Variants in ZFPM1 observed in about 807,000 individuals in gnomAD.
ZFPM1 encodes zinc finger protein ZFPM1.
A neutral mutation model predicts 46.3 loss-of-function variants in ZFPM1; 28 were observed. The ratio of observed to expected loss-of-function variants is 0.60; its 90% confidence interval spans 0.45 to 0.83. The LOEUF (loss-of-function observed/expected upper bound fraction) is 0.83, where lower values mean the gene tolerates loss of function less well. Ranked by LOEUF, ZFPM1 falls within the 40% of genes least tolerant of loss-of-function variation. The pLI is 0.00. For missense variants in ZFPM1, 1,878 were observed against 1,432.4 expected (o/e 1.31, Z -5.02); for synonymous variants, 957 against 675.9 (o/e 1.42, Z -6.45).
Position 88,485,250 on chromosome 16 carries a change from G to T in ZFPM1, c.41-689G>T, listed in dbSNP as rs182910395. Among the ~76,000 whole-genome samples, 614 of 152,288 alleles carry T rather than the reference G, an allele frequency of 4.0e-3. 2 individuals are homozygous for T. The highest frequency in any genetic ancestry group is 5.2e-3 in the Non-Finnish European group (355 of 68,012). On this transcript the variant is annotated intron_variant, in intron 1 of 9. Transcript: ENST00000319555. ...CAGCTCCAGGGCTGCCAGAGCAGGT[G>T]GGGGCCTGTCCCCTGGTGCTGGGGG...
chr16:88,478,102 T>C (rs373257943), intron 1 of ZFPM1, among the ~76,000 whole-genome samples: 41 of 151,928 alleles, frequency 2.7e-4, no homozygotes, highest in Non-Finnish European at 5.6e-4. Context: ...ATGTCTCCCC[T>C]GCCCCAGGCC....
intron 3 of ZFPM1, among the ~76,000 whole-genome samples, chr16:88,505,677 G>A (rs1350344550): frequency 6.6e-6 from 1 of 152,176 alleles, no homozygotes; most frequent in African/African-American, 2.4e-5. Flanking sequence ...AGCACCCCCT[G>A]CCGTCAGCTC....
intron 3 of ZFPM1, 199 bp downstream of exon 3, chr16:88,489,352 C>T: frequency 1.2e-6 from 1 of 826,446 alleles, no homozygotes; most frequent in Non-Finnish European, 1.8e-6. Context: ...TCGCGCCAAT[C>T]CCGGGCCTCA....
intron 1 of ZFPM1, among the ~76,000 whole-genome samples, chr16:88,461,487 G>T (rs546613612): frequency 2.0e-5 from 3 of 152,292 alleles, no homozygotes; most frequent in Admixed American, 2.0e-4. Context: ...GTGACCCTTT[G>T]GCCAGTGGCT....
chr16:88,531,286 G>A (rs1912765209), intron 6 of ZFPM1, among the ~76,000 whole-genome samples: 1 of 152,150 alleles, frequency 6.6e-6, no homozygotes, highest in Non-Finnish European at 1.5e-5. Flanking sequence ...AAGACAAACC[G>A]AGAACACGCT....
At chr16:88,505,019 A>G (rs574614693) in intron 3 of ZFPM1, among the ~76,000 whole-genome samples, 29 of 152,354 alleles carry the variant, frequency 1.9e-4, no homozygotes, top group African/African-American at 7.0e-4. Flanking sequence ...GTTCAGCCCG[A>G]TAAAGATGGG....
At chr16:88,501,071 C>T (rs1469713366) in intron 3 of ZFPM1, among the ~76,000 whole-genome samples, 1 of 148,074 alleles carries the variant, frequency 6.8e-6, no homozygotes, top group East Asian at 2.0e-4. Flanking sequence ...AGGTAGCGGT[C>T]ATGGATGCGG....
chr16:88,522,591 T>C (rs912637446), intron 4 of ZFPM1, among the ~76,000 whole-genome samples: 2 of 152,194 alleles, frequency 1.3e-5, no homozygotes, highest in African/African-American at 2.4e-5. Context: ...GCTGCACAGA[T>C]AGGGTTTCCG....
Position 88,533,625 on chromosome 16 carries a change from A to AGGGCGCGGGCGC in ZFPM1, c.1674_1685dup (p.Ala560_Gly563dup). 1 of 1,467,814 alleles carries AGGGCGCGGGCGC rather than the reference A, an allele frequency of 6.8e-7. No individual in the cohort carries two copies. Among genetic ancestry groups the AGGGCGCGGGCGC allele is most frequent in the Non-Finnish European group, 9.0e-7 (1 of 1,108,932 alleles). 90.9% of individuals were successfully genotyped at this position (1,467,814 alleles called of 1,614,324 possible). On this transcript the variant is annotated inframe_insertion, in exon 10 of 10. Coordinates refer to ENST00000319555, the MANE Select transcript of ZFPM1 (RefSeq NM_153813.3). ...GAGCTGGTGCACAGCCGGCTGCAGC[A>AGGGCGCGGGCGC]GGGCGCGGGCGCGGGCGCCGGCGGC...
At chr16:88,531,606 T>TAC (rs550035678) in intron 6 of ZFPM1, among the ~76,000 whole-genome samples, 263 of 152,308 alleles carry the variant, frequency 1.7e-3, no homozygotes, top group Non-Finnish European at 1.6e-3. Context: ...CGCACATCTG[T>TAC]ACACACACGT....
rs753742076 is a variant in ZFPM1, at chr16:88,534,536, C to T, written c.2578C>T (p.Pro860Ser). The T allele has an allele frequency of 7.2e-7, 1 of 1,394,746 alleles. No individual in the cohort carries two copies. The highest frequency in any genetic ancestry group is 9.3e-7 in the Non-Finnish European group (1 of 1,077,084). 86.4% of individuals were successfully genotyped at this position (1,394,746 alleles called of 1,614,324 possible). A position where few individuals can be genotyped will look rare whatever the true frequency, so the allele number is the denominator to read the frequency against. Residue 860 changes from proline (P) to serine (S), a missense_variant, in exon 10 of 10, where the codon CCC (proline) becomes TCC (serine). Physicochemically the swap from Pro to Ser is moderately conservative, Grantham distance 74 (BLOSUM62 -1). Transcript: ENST00000319555. ...GLPAAACPYCPPNGPVRGDLL... is the reference protein window; with the variant it reads ...GLPAAACPYCSPNGPVRGDLL... Reference sequence around the variant, plus strand: ...GCCCGCCGCCGCCTGCCCCTACTGCCCCCCGAACGGCCCGGTGCGCGGGGA... The same window carrying T: ...GCCCGCCGCCGCCTGCCCCTACTGCTCCCCGAACGGCCCGGTGCGCGGGGA...
Position 88,469,623 on chromosome 16 carries a change from G to T in ZFPM1, c.40+15945G>T, listed in dbSNP as rs1908319917. ...CCACACTGCACAGTGGGTCTTGCTG[G>T]CAAGACCAGGATGAGGCAGGCTCCG... On this transcript the variant is annotated intron_variant, in intron 1 of 9. Transcript: ENST00000319555. This position sits in a 1 kb window ranked among gnomAD's most constrained non-coding sequence, Gnocchi z 4.3. Among the ~76,000 whole-genome samples the T allele has an allele frequency of 6.6e-6, 1 of 152,208 alleles. No individual in the cohort carries two copies. The highest frequency in any genetic ancestry group is 1.5e-5 in the Non-Finnish European group (1 of 68,030).
In ZFPM1 at chr16:88,529,486, G is replaced by T. The variant is rs144794330; in HGVS notation, c.712+1248G>T. ...GGATGTCAGCCCGTATGAGAGTCAG[G>T]GGAGCAGACCCCCACTCTTTGAGTG... On this transcript the variant is annotated intron_variant, in intron 6 of 9. Transcript: ENST00000319555. Among the ~76,000 whole-genome samples the T allele has an allele frequency of 2.9e-3, 445 of 152,320 alleles. 1 individual carries two copies. The highest frequency in any genetic ancestry group is 9.7e-3 in the African/African-American group (405 of 41,566).
chr16:88,507,973 AG>A (rs1274715012), intron 3 of ZFPM1, among the ~76,000 whole-genome samples: 1 of 152,172 alleles, frequency 6.6e-6, no homozygotes, highest in East Asian at 1.9e-4. Flanking sequence ...GATCACAGGA[AG>A]GGGCCCAGTG....
chr16:88,533,756 T>C lies in ZFPM1; in HGVS notation c.1798T>C (p.Cys600Arg), dbSNP rs1211904388. Residue 600 changes from cysteine (C) to arginine (R), a missense_variant, in exon 10 of 10, where the codon TGT becomes CGT. Transcript: ENST00000319555. ...CTACTACGTGCACAAGCGCCTCTAC[T>C]GTTCAGGCCGCCGTGCGCCCGAGGA... ...NNYYVHKRLY[C>R]SGRRAPEDAP... is the part of the protein sequence containing the mutation. 3 of 1,445,590 alleles carry C rather than the reference T, an allele frequency of 2.1e-6. No individual in the cohort carries two copies. Among genetic ancestry groups the C allele is most frequent in the South Asian group, 1.2e-5 (1 of 80,404 alleles). 89.5% of individuals were successfully genotyped at this position (1,445,590 alleles called of 1,614,324 possible).
At chr16:88,518,026 T>C (rs982609070) in intron 4 of ZFPM1, among the ~76,000 whole-genome samples, 2 of 151,858 alleles carry the variant, frequency 1.3e-5, no homozygotes, top group Admixed American at 1.3e-4. Context: ...CTGGCTAACA[T>C]GGTGAAACCC....
chr16:88,526,821 C>T lies in ZFPM1; in HGVS notation c.410C>T (p.Ala137Val). Reference protein sequence around the residue: ...SSPRQAEPSPALTLLLVDEAC... With the variant: ...SSPRQAEPSPVLTLLLVDEAC... ...CCTACCCTCCCCCCCCAGAGCCCAG[C>T]CCTGACCCTGCTGCTGGTGGACGAG... The change falls in exon 5 of 10, where the codon GCC becomes GTC. Residue 137 changes from alanine (A) to valine (V), a missense_variant. By Grantham distance (64) the Ala-to-Val change is moderately conservative. Coordinates refer to ENST00000319555, the MANE Select transcript of ZFPM1 (RefSeq NM_153813.3). 6.4e-7 allele frequency: 1 copy of T among 1,552,650 alleles called. No individual in the cohort carries two copies. The highest frequency in any genetic ancestry group is 8.7e-7 in the Non-Finnish European group (1 of 1,147,892).
chr16:88,453,736 C>T, intron 1 of ZFPM1, 58 bp downstream of exon 1: 2 of 1,038,294 alleles, frequency 1.9e-6, no homozygotes, highest in Admixed American at 4.4e-5. Flanking sequence ...CGGAGCCCAG[C>T]CGCCAGCGCC....
chr16:88,468,202 A>G lies in ZFPM1; in HGVS notation c.40+14524A>G, dbSNP rs373581817. On this transcript the variant is annotated intron_variant, in intron 1 of 9. Coordinates refer to ENST00000319555, the MANE Select transcript of ZFPM1 (RefSeq NM_153813.3). ...CGCACCCGCGAGCCCACCGCCCCTC[A>G]AGCACCCGCGAGCCCACCGCCCCTC... Among the ~76,000 whole-genome samples, 222 of 127,626 alleles carry G rather than the reference A, an allele frequency of 1.7e-3. 10 individuals carry two copies. In the East Asian group the frequency reaches 0.046, roughly 26 times the overall value. The allele number at this position is 127,626 out of a possible 152,430, so 83.7% of individuals were successfully genotyped here. A position where few individuals can be genotyped will look rare whatever the true frequency, so the allele number is the denominator to read the frequency against.
Sources: gnomAD v4.1 joint callset for allele counts (sites outside exome capture counted in the v4.1 genomes callset) on GRCh38, gnomAD v4.1.1 for gene constraint, Gnocchi (gnomAD v3.1) non-coding constraint, MANE v1.5 for transcripts, NCBI Gene and HGNC (gene_info 2026-07-23, HGNC 2026-07-21) for gene names.